The following AHSA1 variants were observed in gnomAD, a reference collection of about 807,000 sequenced individuals.
The protein encoded by AHSA1 is activator of 90 kDa heat shock protein ATPase homolog 1.
A neutral mutation model predicts 46.1 loss-of-function variants in AHSA1; 14 were observed. The observed-to-expected ratio is 0.30, with a 90% CI of 0.20 to 0.47. The LOEUF is 0.47. Ranked by LOEUF, AHSA1 falls within the 20% of genes least tolerant of loss-of-function variation. The pLI is 0.99. For synonymous variants in AHSA1, 147 were observed against 145.8 expected, an observed-to-expected ratio of 1.01 and a Z score of -0.06; for missense variants, 333 against 415.9, an observed-to-expected ratio of 0.80 and a Z score of 1.73.
At chr14:77,457,911 T>C (rs187032202), upstream of AHSA1, 135 of 501,912 alleles carry the variant, frequency 2.7e-4, 1 homozygote, top group African/African-American at 2.0e-3. Flanking sequence ...GTATGAGCAG[T>C]TGGGTTTCGG....
intron 2 of AHSA1, among the ~76,000 whole-genome samples, chr14:77,461,094 G>A (rs2079021772): frequency 6.6e-6 from 1 of 152,086 alleles, no homozygotes; most frequent in Non-Finnish European, 1.5e-5. Context: ...AGGAGGCGGA[G>A]GTTGCAGTGA....
At chr14:77,460,683 A>C (rs2079018345) in intron 2 of AHSA1, among the ~76,000 whole-genome samples, 1 of 151,268 alleles carries the variant, frequency 6.6e-6, no homozygotes, top group Admixed American at 6.6e-5. Context: ...CTCCTGCCTC[A>C]GCCTCCCAAG....
At position 77,468,609 on chromosome 14, in the gene AHSA1, C is replaced by T. The variant is rs765195190; in HGVS notation, c.844+101C>T. 2.5e-5 allele frequency: 27 copies of T among 1,087,956 alleles called. 1 individual carries two copies. The South Asian group carries it at 2.8e-4, about 11-fold the overall frequency. 67.4% of individuals were successfully genotyped at this position (1,087,956 alleles called of 1,614,324 possible). A position where few individuals can be genotyped will look rare whatever the true frequency, so the allele number is the denominator to read the frequency against. On this transcript the variant is annotated intron_variant, in intron 8 of 8. Transcript: ENST00000216479. ...AAACAGGGTCTCACTGTCACTCAGG[C>T]TAGAGTGCAGTGGCATAATCACAGC...
At chr14:77,462,556 G>C (rs1490981611) in intron 3 of AHSA1, 86 bp from the exon 4 acceptor site, 1 of 1,215,054 alleles carries the variant, frequency 8.2e-7, no homozygotes, top group Non-Finnish European at 1.2e-6. Context: ...GGAAATGTCA[G>C]CAGTCACCTG....
intron 3 of AHSA1, 180 bp downstream of exon 3, chr14:77,462,422 T>C: frequency 1.4e-6 from 1 of 722,124 alleles, no homozygotes; most frequent in Non-Finnish European, 2.3e-6. Context: ...TTTGCACTTC[T>C]TTAATTTCTT....
chr14:77,468,475 G>A lies in AHSA1; in HGVS notation c.811G>A (p.Val271Met), dbSNP rs765939001. The change falls in exon 8 of 9, where the codon GTG becomes ATG. Residue 271 changes from valine (V) to methionine (M), a missense_variant. By Grantham distance (21) the Val-to-Met change is conservative. Transcript: ENST00000216479. The part of the protein sequence containing the change: ...FTDLVPEKHI[V>M]MKWRFKSWPE... Reference sequence around the variant, plus strand: ...ATTTTAGGTCCCTGAGAAACATATTGTGATGAAGTGGAGGTTTAAATCTTG... The same window carrying A: ...ATTTTAGGTCCCTGAGAAACATATTATGATGAAGTGGAGGTTTAAATCTTG... The A allele has an allele frequency of 1.2e-6, 2 of 1,612,980 alleles. No individual in the cohort carries two copies. Among genetic ancestry groups the A allele is most frequent in the Non-Finnish European group, 1.7e-6 (2 of 1,179,592 alleles).
chr14:77,468,886 T>G (rs749316885), intron 8 of AHSA1, 191 bp from the exon 9 acceptor site: 2 of 636,442 alleles, frequency 3.1e-6, no homozygotes, highest in Non-Finnish European at 5.4e-6. Flanking sequence ...CCACGTAATT[T>G]TAGTAGAGAT....
intron 1 of AHSA1, among the ~76,000 whole-genome samples, chr14:77,459,299 C>T (rs1198051555): frequency 6.6e-6 from 1 of 152,164 alleles, no homozygotes; most frequent in Non-Finnish European, 1.5e-5. Flanking sequence ...GCAATATGTG[C>T]AGTTTTCCAC....
At chr14:77,464,206 G>C (rs969439532) in intron 4 of AHSA1, among the ~76,000 whole-genome samples, 5 of 152,014 alleles carry the variant, frequency 3.3e-5, no homozygotes, top group African/African-American at 1.2e-4. Context: ...GTGAAACCCC[G>C]TCTCTACTAA....
At chr14:77,467,540 A>G (rs757194402) in intron 6 of AHSA1, among the ~76,000 whole-genome samples, 19 of 151,672 alleles carry the variant, frequency 1.3e-4, no homozygotes, top group Non-Finnish European at 2.9e-5. Context: ...AAAAAATACA[A>G]AAAGTTAGCC....
chr14:77,466,649 C>G (rs2079049112), intron 6 of AHSA1, among the ~76,000 whole-genome samples: 1 of 152,194 alleles, frequency 6.6e-6, no homozygotes, highest in African/African-American at 2.4e-5. Context: ...CTTAGAAAAC[C>G]AAGAACTGGA....
intron 6 of AHSA1, among the ~76,000 whole-genome samples, chr14:77,467,707 ATAAAAT>A (rs1279993853): frequency 5.4e-5 from 3 of 55,466 alleles, no homozygotes; most frequent in Non-Finnish European, 1.3e-4. Context: ...AAATAAAAAA[ATAAAAT>A]AAAATAAAAG....
intron 6 of AHSA1, among the ~76,000 whole-genome samples, chr14:77,467,065 C>T (rs1380112965): frequency 2.0e-5 from 3 of 152,138 alleles, no homozygotes; most frequent in Non-Finnish European, 2.9e-5. Flanking sequence ...AAAGCGGCAC[C>T]GTTGGGTAAT....
At chr14:77,468,225 G>T in intron 7 of AHSA1, 41 bp downstream of exon 7, 2 of 1,342,492 alleles carry the variant, frequency 1.5e-6, no homozygotes, top group Non-Finnish European at 1.0e-6. Context: ...ATTGCCTCTG[G>T]TCAGATGAGT....
intron 2 of AHSA1, 70 bp downstream of exon 2, chr14:77,459,876 C>G (rs1173715076): frequency 1.3e-6 from 2 of 1,558,380 alleles, no homozygotes; most frequent in Non-Finnish European, 1.8e-6. Flanking sequence ...CTGGAGAGAA[C>G]AGTTTTGAGG....
chr14:77,459,600 T>C lies in AHSA1; in HGVS notation c.81-16T>C, dbSNP rs753244301. ...CCGTTTGACTGCTGGTTCATAGCTC[T>C]GTTTCTGCTTTGCAGGACGGAGAGA... is the stretch of plus-strand genomic sequence containing the variant. On this transcript the variant is annotated splice_polypyrimidine_tract_variant and intron_variant, in intron 1 of 8. Transcript: ENST00000216479. The C allele has an allele frequency of 1.2e-6, 2 of 1,613,926 alleles. No individual in the cohort carries two copies. Among genetic ancestry groups the C allele is most frequent in the Non-Finnish European group, 1.7e-6 (2 of 1,179,764 alleles).
intron 1 of AHSA1, 39 bp downstream of exon 1, chr14:77,458,308 C>A: frequency 1.0e-5 from 16 of 1,534,166 alleles, no homozygotes; most frequent in Non-Finnish European, 1.4e-5. Flanking sequence ...GGGAGACCTG[C>A]GGCCGGGCCA....
At chr14:77,460,079 G>C (rs550525734) in intron 2 of AHSA1, 2 of 468,730 alleles carry the variant, frequency 4.3e-6, no homozygotes, top group Non-Finnish European at 7.8e-6. Flanking sequence ...GGACACCTAC[G>C]ATGATATTTC....
rs781063055 is a variant in AHSA1, at chr14:77,462,163, C to T, written c.275C>T (p.Thr92Ile). 2 of 1,609,770 alleles carry T rather than the reference C, an allele frequency of 1.2e-6. No individual in the cohort carries two copies. Among genetic ancestry groups the T allele is most frequent in the Non-Finnish European group, 1.7e-6 (2 of 1,176,002 alleles). ...EWSVKLNWTG[T>I]SKSGVQYKGH... Reference sequence around the variant, plus strand: ...GACATTGCATTGGTTTTGACAGGTACTTCTAAGTCAGGAGTACAATACAAA... The same window carrying T: ...GACATTGCATTGGTTTTGACAGGTATTTCTAAGTCAGGAGTACAATACAAA... Residue 92 changes from threonine to isoleucine, a missense_variant, in exon 3 of 9, where the codon ACT becomes ATT. By Grantham distance (89) the Thr-to-Ile change is moderately conservative (BLOSUM62 -1). Transcript: ENST00000216479.
Sources: allele counts gnomAD v4.1 joint callset (sites outside exome capture counted in the v4.1 genomes callset), GRCh38; gene constraint gnomAD v4.1.1; transcripts MANE v1.5; gene names NCBI Gene and HGNC (gene_info 2026-07-23, HGNC 2026-07-21).